Variants in KCNQ5 observed in about 807,000 individuals in gnomAD.
KCNQ5 encodes potassium voltage-gated channel subfamily KQT member 5.
Under a neutral mutation model 98.2 loss-of-function variants are expected in KCNQ5, and 30 were observed. That is an observed-to-expected ratio of 0.31 (90% CI 0.23 to 0.41). KCNQ5 has a LOEUF of 0.41. Ranked by LOEUF, KCNQ5 falls within the 10% of genes least tolerant of loss-of-function variation. The pLI is 1.00. For missense variants in KCNQ5, 835 were observed against 1,182.5 expected, an observed-to-expected ratio of 0.71 and a Z score of 4.31; for synonymous variants, 458 against 449.4, an observed-to-expected ratio of 1.02 and a Z score of -0.24.
At chr6:73,041,327 C>G (rs187197383) in intron 2 of KCNQ5, among the ~76,000 whole-genome samples, 4 of 152,308 alleles carry the variant, frequency 2.6e-5, no homozygotes, top group Admixed American at 1.3e-4. Flanking sequence ...TAATAATTAA[C>G]AAGCTTCAGA....
intron 2 of KCNQ5, among the ~76,000 whole-genome samples, chr6:73,039,726 C>T (rs1167742908): frequency 6.6e-6 from 1 of 151,982 alleles, no homozygotes; most frequent in African/African-American, 2.4e-5. Flanking sequence ...TTGTTTATGA[C>T]CCGGAATATA....
chr6:72,864,918 T>C (rs983496428), intron 1 of KCNQ5, among the ~76,000 whole-genome samples: 3 of 152,224 alleles, frequency 2.0e-5, no homozygotes, highest in Admixed American at 6.5e-5. Context: ...ATGGGAAAAC[T>C]AGCATTGTAA....
intron 1 of KCNQ5, among the ~76,000 whole-genome samples, chr6:72,982,008 T>C (rs1053328834): frequency 1.3e-5 from 2 of 152,258 alleles, no homozygotes; most frequent in Non-Finnish European, 2.9e-5. Flanking sequence ...GATTGCACTG[T>C]GGTCTAAGAG....
At chr6:72,783,121 AAACAG>A (rs1773570225) in intron 1 of KCNQ5, among the ~76,000 whole-genome samples, 1 of 152,170 alleles carries the variant, frequency 6.6e-6, no homozygotes, top group Non-Finnish European at 1.5e-5. Flanking sequence ...GTTGGGCACA[AAACAG>A]TTATGAGTGG....
At chr6:73,029,107 G>A (rs922304803) in intron 2 of KCNQ5, among the ~76,000 whole-genome samples, 5 of 152,208 alleles carry the variant, frequency 3.3e-5, no homozygotes, top group Admixed American at 6.5e-5. Flanking sequence ...TATTGATGAT[G>A]TGAGCAGAGG....
chr6:72,931,644 C>T (rs1392949632), intron 1 of KCNQ5, among the ~76,000 whole-genome samples: 5 of 152,102 alleles, frequency 3.3e-5, no homozygotes, highest in Non-Finnish European at 5.9e-5. Flanking sequence ...GACCAAAAGG[C>T]GAGGAACTAG....
At chr6:72,853,412 C>T (rs1374152589) in intron 1 of KCNQ5, among the ~76,000 whole-genome samples, 3 of 152,168 alleles carry the variant, frequency 2.0e-5, no homozygotes, top group East Asian at 3.9e-4. Flanking sequence ...GGTGCCATCG[C>T]AGCTCACTGA....
intron 11 of KCNQ5, among the ~76,000 whole-genome samples, chr6:73,179,494 A>C (rs1261124164): frequency 1.3e-5 from 2 of 152,306 alleles, no homozygotes; most frequent in African/African-American, 4.8e-5. Context: ...TCCACCCCTC[A>C]ATACTGCCAC....
chr6:72,864,032 C>CGGCAAGTA (rs1382829352), intron 1 of KCNQ5, among the ~76,000 whole-genome samples: 33 of 152,252 alleles, frequency 2.2e-4, no homozygotes, highest in African/African-American at 5.5e-4. Context: ...AGCCTCCCCG[C>CGGCAAGTA]GGCAAGTAGC....
At chr6:72,635,750 A>G (rs894699343) in intron 1 of KCNQ5, among the ~76,000 whole-genome samples, 4 of 113,080 alleles carry the variant, frequency 3.5e-5, no homozygotes, top group East Asian at 2.6e-4. Context: ...ATTTCTTTGT[A>G]CAAAATGTTG....
chr6:73,043,460 G>A (rs541508401), intron 3 of KCNQ5, among the ~76,000 whole-genome samples: 87 of 152,254 alleles, frequency 5.7e-4, no homozygotes, highest in African/African-American at 2.0e-3. Context: ...AGCCTTGCAG[G>A]TTCATAAAGC....
At chr6:72,932,700 T>A in intron 1 of KCNQ5, among the ~76,000 whole-genome samples, 1 of 152,200 alleles carries the variant, frequency 6.6e-6, no homozygotes, top group East Asian at 1.9e-4. Context: ...GCCTAGGAAT[T>A]AGCATTTTTG....
At chr6:73,066,116 A>C (rs976748373) in intron 3 of KCNQ5, among the ~76,000 whole-genome samples, 1 of 152,266 alleles carries the variant, frequency 6.6e-6, no homozygotes, top group Non-Finnish European at 1.5e-5. Flanking sequence ...ATTGCACTCC[A>C]GCCTGGGTGA....
At chr6:72,683,509 A>G (rs1767809781) in intron 1 of KCNQ5, among the ~76,000 whole-genome samples, 1 of 151,826 alleles carries the variant, frequency 6.6e-6, no homozygotes, top group Non-Finnish European at 1.5e-5. Flanking sequence ...CTGGGACTAC[A>G]GGTATGTGCC....
At chr6:72,741,683 A>G (rs1335936317) in intron 1 of KCNQ5, among the ~76,000 whole-genome samples, 1 of 152,210 alleles carries the variant, frequency 6.6e-6, no homozygotes, top group African/African-American at 2.4e-5. Context: ...TTGATATACT[A>G]TAAAGCCACA....
rs1198958950 is a variant in KCNQ5 at position 72,795,426 on chromosome 6, T to C, written c.398+172839T>C. ...GCAAAAATTTGTATTGCATATATTA[T>C]AGTAACATAAATTTTAATTTTGTAC... On this transcript the variant is annotated intron_variant, in intron 1 of 13. Coordinates refer to ENST00000370398, the MANE Select transcript of KCNQ5 (RefSeq NM_019842.4). 6.6e-5 allele frequency among the ~76,000 whole-genome samples: 10 copies of C among 152,226 alleles called. 1 individual carries two copies. Among genetic ancestry groups the C allele is most frequent in the Admixed American group, 6.5e-4 (10 of 15,278 alleles).
intron 3 of KCNQ5, among the ~76,000 whole-genome samples, chr6:73,065,383 C>T (rs1773001695): frequency 6.6e-6 from 1 of 152,184 alleles, no homozygotes; most frequent in African/African-American, 2.4e-5. Context: ...TCCTTTACAG[C>T]TCCTCCTGAC....
At chr6:72,930,330 C>G (rs1765633876) in intron 1 of KCNQ5, among the ~76,000 whole-genome samples, 1 of 152,066 alleles carries the variant, frequency 6.6e-6, no homozygotes, top group Non-Finnish European at 1.5e-5. Flanking sequence ...GTCTTATTAT[C>G]TTAAAACTTC....
At chr6:72,739,794 A>G (rs1052989098) in intron 1 of KCNQ5, among the ~76,000 whole-genome samples, 3 of 152,228 alleles carry the variant, frequency 2.0e-5, no homozygotes, top group South Asian at 2.1e-4. Flanking sequence ...GAAGTCTTTC[A>G]GAGTCTGCTT....
Sources: allele counts gnomAD v4.1 joint callset (sites outside exome capture counted in the v4.1 genomes callset), GRCh38; gene constraint gnomAD v4.1.1; transcripts MANE v1.5; gene names NCBI Gene and HGNC (gene_info 2026-07-23, HGNC 2026-07-21).